SNTG1: variants seen among roughly 807,000 people sequenced by gnomAD.
The protein encoded by SNTG1 is gamma-1-syntrophin.
Under a neutral mutation model 74.7 loss-of-function variants are expected in SNTG1, and 39 were observed. The ratio of observed to expected loss-of-function variants is 0.52; its 90% CI spans 0.40 to 0.68. The LOEUF is 0.68. Among genes scored for constraint, SNTG1 ranks in the 30% least tolerant of loss-of-function variants. The pLI is 0.00. For synonymous variants in SNTG1, 254 were observed against 217.1 expected, an observed-to-expected ratio of 1.17 and a Z score of -1.49; for missense variants, 685 against 609.5, an observed-to-expected ratio of 1.12 and a Z score of -1.30.
chr8:50,644,979 C>G (rs747029131), intron 13 of SNTG1, among the ~76,000 whole-genome samples: 1 of 148,942 alleles, frequency 6.7e-6, no homozygotes, highest in Non-Finnish European at 1.5e-5. Context: ...TGGTCTTAAA[C>G]GCGTAGGCTC....
At chr8:50,573,666 G>A (rs375094198) in intron 12 of SNTG1, among the ~76,000 whole-genome samples, 1 of 151,722 alleles carries the variant, frequency 6.6e-6, no homozygotes, top group East Asian at 1.9e-4. Flanking sequence ...CAGTTCTTGA[G>A]TATGAAGCAT....
intron 2 of SNTG1, among the ~76,000 whole-genome samples, chr8:50,312,360 A>G (rs1429374906): frequency 6.6e-6 from 1 of 152,118 alleles, no homozygotes; most frequent in African/African-American, 2.4e-5. Context: ...GATGGCCCCA[A>G]CGAAAGATAG....
chr8:50,452,042 T>A (rs1478139897), intron 8 of SNTG1, among the ~76,000 whole-genome samples: 2 of 152,232 alleles, frequency 1.3e-5, no homozygotes, highest in East Asian at 3.9e-4. Flanking sequence ...GAAAACTATG[T>A]TGATACATTT....
intron 2 of SNTG1, among the ~76,000 whole-genome samples, chr8:50,324,392 T>C (rs1271973294): frequency 6.6e-6 from 1 of 152,208 alleles, no homozygotes; most frequent in Non-Finnish European, 1.5e-5. Flanking sequence ...TCGGCCCTCC[T>C]CAATACTCTT....
chr8:50,279,015 A>G (rs1408865285), intron 2 of SNTG1, among the ~76,000 whole-genome samples: 1 of 152,162 alleles, frequency 6.6e-6, no homozygotes, highest in Non-Finnish European at 1.5e-5. Context: ...ATAATTTAGA[A>G]GAAGATGAGT....
chr8:50,111,463 A>C (rs1181564698), intron 1 of SNTG1, among the ~76,000 whole-genome samples: 1 of 152,026 alleles, frequency 6.6e-6, no homozygotes, highest in African/African-American at 2.4e-5. Flanking sequence ...GCACCTACAG[A>C]AGAAAACCAT....
intron 2 of SNTG1, among the ~76,000 whole-genome samples, chr8:50,289,235 T>C (rs1392156722): frequency 1.3e-5 from 2 of 152,240 alleles, no homozygotes; most frequent in East Asian, 3.9e-4. Flanking sequence ...CTATGTAATG[T>C]TTATGTGGAT....
At chr8:49,934,175 G>A (rs1031944467) in intron 1 of SNTG1, among the ~76,000 whole-genome samples, 2 of 151,844 alleles carry the variant, frequency 1.3e-5, no homozygotes, top group Admixed American at 6.6e-5. Flanking sequence ...TCTTTATAAG[G>A]TATACCTTAC....
intron 13 of SNTG1, among the ~76,000 whole-genome samples, chr8:50,643,660 C>T (rs1255113388): frequency 6.6e-6 from 1 of 152,144 alleles, no homozygotes; most frequent in Admixed American, 6.5e-5. Flanking sequence ...GATTAAGATT[C>T]CTCTTACAGA....
chr8:49,964,399 C>T (rs990568838), intron 1 of SNTG1, among the ~76,000 whole-genome samples: 1 of 152,182 alleles, frequency 6.6e-6, no homozygotes, highest in African/African-American at 2.4e-5. Flanking sequence ...ATCACATGAG[C>T]CAATACCTTC....
intron 9 of SNTG1, among the ~76,000 whole-genome samples, chr8:50,505,616 C>T (rs752243796): frequency 1.1e-4 from 17 of 151,992 alleles, no homozygotes; most frequent in African/African-American, 2.4e-4. Flanking sequence ...TAATCTTAAG[C>T]GTCTTTTCAC....
chr8:50,108,165 T>C (rs1410755695), intron 1 of SNTG1, among the ~76,000 whole-genome samples: 1 of 152,178 alleles, frequency 6.6e-6, no homozygotes, highest in Non-Finnish European at 1.5e-5. Context: ...GCCAGCATCA[T>C]TTACTAACTA....
intron 2 of SNTG1, among the ~76,000 whole-genome samples, chr8:50,183,907 A>C (rs2083293817): frequency 6.6e-6 from 1 of 152,156 alleles, no homozygotes; most frequent in African/African-American, 2.4e-5. Context: ...GCATTAATAA[A>C]AAAATTACTT....
intron 12 of SNTG1, among the ~76,000 whole-genome samples, chr8:50,574,494 A>C (rs1284306667): frequency 6.6e-6 from 1 of 152,144 alleles, no homozygotes; most frequent in African/African-American, 2.4e-5. Flanking sequence ...ATAATGGCTC[A>C]TGAGTGTAAT....
At chr8:50,443,369 G>A (rs1405876955) in intron 5 of SNTG1, among the ~76,000 whole-genome samples, 1 of 151,938 alleles carries the variant, frequency 6.6e-6, no homozygotes, top group Non-Finnish European at 1.5e-5. Context: ...ATTTTCTTAT[G>A]AAAATAATAA....
intron 2 of SNTG1, among the ~76,000 whole-genome samples, chr8:50,209,479 C>T (rs1008240617): frequency 9.2e-5 from 14 of 152,120 alleles, no homozygotes; most frequent in Non-Finnish European, 2.1e-4. Flanking sequence ...CCAGTAGGGG[C>T]CGACTGACAC....
At chr8:50,593,818 A>T (rs1288423258) in intron 13 of SNTG1, among the ~76,000 whole-genome samples, 1 of 150,674 alleles carries the variant, frequency 6.6e-6, no homozygotes, top group Non-Finnish European at 1.5e-5. Flanking sequence ...CCCTGGTTCG[A>T]GCGATTCTCC....
At chr8:50,644,799 G>A (rs1313493190) in intron 13 of SNTG1, among the ~76,000 whole-genome samples, 4 of 152,256 alleles carry the variant, frequency 2.6e-5, no homozygotes, top group Middle Eastern at 6.8e-3. Flanking sequence ...TAGGAGTGTT[G>A]TGGGGTGACA....
At chr8:50,446,177 C>T (rs1448619394) in intron 5 of SNTG1, among the ~76,000 whole-genome samples, 2 of 152,140 alleles carry the variant, frequency 1.3e-5, no homozygotes, top group African/African-American at 4.8e-5. Context: ...GAAAACCTTA[C>T]ATTTCCCCAT....
Sources: allele counts gnomAD v4.1 joint callset (sites outside exome capture counted in the v4.1 genomes callset), GRCh38; gene constraint gnomAD v4.1.1; transcripts MANE v1.5; gene names NCBI Gene and HGNC (gene_info 2026-07-23, HGNC 2026-07-21).